The following NBAS variants were observed in gnomAD, a reference collection of about 807,000 sequenced individuals.
NBAS encodes the protein NAG/BC035112 fusion.
Under a neutral mutation model 302.5 loss-of-function variants are expected in NBAS, and 219 were observed. The ratio of observed to expected loss-of-function variants is 0.72; its 90% CI spans 0.65 to 0.81. The LOEUF is 0.81. NBAS is among the 30% of genes least tolerant of loss of function. The pLI, the probability that NBAS is intolerant of heterozygous loss-of-function variation, is 0.00. For synonymous variants in NBAS, 1,118 were observed against 1,021.6 expected (o/e 1.09, Z -1.80); for missense variants, 2,932 against 2,841.6 (o/e 1.03, Z -0.72).
At chr2:15,323,857 AAAAAC>A (rs997053651) in intron 38 of NBAS, among the ~76,000 whole-genome samples, 4 of 151,662 alleles carry the variant, frequency 2.6e-5, no homozygotes, top group African/African-American at 4.8e-5. Context: ...CAAAAAAACA[AAAAAC>A]AAAACAAAAC....
At chr2:14,940,292 A>T in the NBAS span, among the ~76,000 whole-genome samples, 3 of 152,216 alleles carry the variant, frequency 2.0e-5, no homozygotes, top group Non-Finnish European at 4.4e-5. Context: ...TACTGTCCTC[A>T]TGATAGTGAG....
intron 40 of NBAS, among the ~76,000 whole-genome samples, chr2:15,298,512 T>A (rs1436059536): frequency 1.3e-5 from 2 of 152,196 alleles, no homozygotes; most frequent in Non-Finnish European, 2.9e-5. Flanking sequence ...AAAGACTAAA[T>A]GAAACTGGAT....
chr2:15,179,246 C>A, intron 50 of NBAS, 130 bp from the exon 51 acceptor site: 1 of 1,366,532 alleles, frequency 7.3e-7, no homozygotes. Context: ...CATATGGTAC[C>A]GCACTGGATA....
the NBAS span, among the ~76,000 whole-genome samples, chr2:14,901,514 AT>A: frequency 1.3e-5 from 2 of 152,210 alleles, no homozygotes; most frequent in Non-Finnish European, 2.9e-5. Flanking sequence ...ACTTTAAGGG[AT>A]AAAAAGATAA....
At chr2:14,934,125 A>G in the NBAS span, among the ~76,000 whole-genome samples, 1 of 152,180 alleles carries the variant, frequency 6.6e-6, no homozygotes, top group African/African-American at 2.4e-5. Flanking sequence ...AGGCTAGATC[A>G]TTTTGTATTT....
chr2:14,789,813 C>G, the NBAS span, among the ~76,000 whole-genome samples: 2,111 of 152,302 alleles, frequency 0.014, 56 homozygotes, highest in African/African-American at 0.047. Context: ...GAAAGTAGAA[C>G]TGTGTATTCA....
At chr2:15,300,185 T>C (rs1028519393) in intron 40 of NBAS, among the ~76,000 whole-genome samples, 1 of 152,192 alleles carries the variant, frequency 6.6e-6, no homozygotes, top group African/African-American at 2.4e-5. Context: ...TATCCAAGGC[T>C]AGTAATCTAC....
intron 48 of NBAS, among the ~76,000 whole-genome samples, chr2:15,213,881 A>G (rs1004591264): frequency 6.6e-6 from 1 of 152,220 alleles, no homozygotes; most frequent in Non-Finnish European, 1.5e-5. Context: ...TCATTTTAGG[A>G]AAAAAGACAC....
chr2:15,298,079 G>A (rs1670631441), intron 40 of NBAS, among the ~76,000 whole-genome samples: 1 of 152,108 alleles, frequency 6.6e-6, no homozygotes, highest in African/African-American at 2.4e-5. Context: ...GGATGCTTGT[G>A]CCTGTATGTA....
At chr2:15,203,310 G>A (rs1339735156) in intron 48 of NBAS, among the ~76,000 whole-genome samples, 1 of 152,096 alleles carries the variant, frequency 6.6e-6, no homozygotes, top group Non-Finnish European at 1.5e-5. Flanking sequence ...GTGATGAATG[G>A]AGTGATGAGA....
At chr2:14,809,775 G>A in the NBAS span, among the ~76,000 whole-genome samples, 1 of 152,184 alleles carries the variant, frequency 6.6e-6, no homozygotes, top group Admixed American at 6.5e-5. Context: ...CATGGACCTG[G>A]AAAAGCCACA....
chr2:15,462,639 G>A (rs557950592), intron 19 of NBAS, among the ~76,000 whole-genome samples: 1 of 145,300 alleles, frequency 6.9e-6, no homozygotes, highest in East Asian at 2.3e-4. Flanking sequence ...GGGAGGGAGG[G>A]AGGAAGGAGA....
chr2:15,151,857 A>AT, the NBAS span, among the ~76,000 whole-genome samples: 5 of 151,300 alleles, frequency 3.3e-5, no homozygotes, highest in African/African-American at 4.9e-5. Context: ...TTTATTTTTT[A>AT]TTTTTTTTGA....
intron 41 of NBAS, among the ~76,000 whole-genome samples, chr2:15,287,400 A>G (rs1212891803): frequency 6.6e-6 from 1 of 152,224 alleles, no homozygotes; most frequent in East Asian, 1.9e-4. Flanking sequence ...GGACTTGTCT[A>G]GACCAGTAGT....
chr2:15,337,556 A>C (rs889883480), intron 35 of NBAS, among the ~76,000 whole-genome samples: 2 of 152,232 alleles, frequency 1.3e-5, no homozygotes, highest in African/African-American at 4.8e-5. Flanking sequence ...GCTTCTGTCC[A>C]AATGGATGGG....
chr2:15,055,123 G>C, the NBAS span, among the ~76,000 whole-genome samples: 2 of 152,112 alleles, frequency 1.3e-5, no homozygotes, highest in Non-Finnish European at 2.9e-5. Context: ...ACATTCACTC[G>C]AAGCAATGGT....
chr2:15,184,458 G>A (rs566285393), intron 50 of NBAS, among the ~76,000 whole-genome samples: 7 of 151,738 alleles, frequency 4.6e-5, no homozygotes, highest in South Asian at 2.1e-4. Flanking sequence ...TGGTCCCACC[G>A]AGGGGCGATG....
chr2:15,092,523 C>A, the NBAS span, among the ~76,000 whole-genome samples: 12 of 152,092 alleles, frequency 7.9e-5, no homozygotes, highest in African/African-American at 2.2e-4. Flanking sequence ...TTGCACTCCT[C>A]CCCCCACCCC....
chr2:15,470,144 C>T (rs567581657), intron 16 of NBAS, among the ~76,000 whole-genome samples: 32 of 152,142 alleles, frequency 2.1e-4, no homozygotes, highest in African/African-American at 7.7e-4. Context: ...TCTCTTAATT[C>T]ACTTTCCCTT....
Sources: gnomAD v4.1 joint callset for allele counts (sites outside exome capture counted in the v4.1 genomes callset) on GRCh38, gnomAD v4.1.1 for gene constraint, MANE v1.5 for transcripts, NCBI Gene and HGNC (gene_info 2026-07-23, HGNC 2026-07-21) for gene names.